The following DDX46 variants were observed in gnomAD, a reference collection of about 807,000 sequenced individuals.
DDX46 encodes probable ATP-dependent RNA helicase DDX46.
In DDX46, 30 loss-of-function variants were observed where a neutral mutation model predicts 134.9. The ratio of observed to expected loss-of-function variants is 0.22; its 90% CI spans 0.17 to 0.30. The LOEUF is 0.30. Ranked by LOEUF, DDX46 falls within the 10% of genes least tolerant of loss-of-function variation. The pLI is 1.00. For missense variants in DDX46, 622 were observed against 1,248.7 expected (o/e 0.50, Z 7.56); for synonymous variants, 415 against 404.1 (o/e 1.03, Z -0.32).
chr5:134,783,131 T>A, intron 9 of DDX46, 66 bp downstream of exon 9: 1 of 1,554,778 alleles, frequency 6.4e-7, no homozygotes, highest in Non-Finnish European at 8.7e-7. Context: ...TCCACACCAG[T>A]GTCTCCCTGA....
chr5:134,797,363 G>A lies in DDX46; in HGVS notation c.1954+1213G>A, dbSNP rs1217710704. Among the ~76,000 whole-genome samples the A allele has an allele frequency of 2.6e-5, 4 of 152,106 alleles. No homozygotes were observed. In the East Asian group the frequency reaches 5.8e-4, roughly 22 times the overall value. ...AGCTCACTATATATATCTAGTCTCT[G>A]TTTCATGCTGTATGTGCTGGGACAC... On this transcript the variant is annotated intron_variant, in intron 15 of 22. Transcript: ENST00000452510.
chr5:134,799,316 C>CTT (rs569120916), intron 15 of DDX46, among the ~76,000 whole-genome samples: 5 of 144,670 alleles, frequency 3.5e-5, no homozygotes, highest in Admixed American at 7.0e-5. Context: ...ACTTGTTTCA[C>CTT]TTTTTTTTTT....
rs562504484 is a variant in DDX46 at position 134,779,424 on chromosome 5, C to T, written c.765+1699C>T. Among the ~76,000 whole-genome samples, 14 of 152,310 alleles carry T rather than the reference C, an allele frequency of 9.2e-5. No homozygotes were observed. The East Asian group carries it at 2.7e-3, about 29-fold the overall frequency. ...GGCCATGCTGGCCTTGAACTCCTGA[C>T]CTCAAATGATCTGTCTGCCTTGGCC... On this transcript the variant is annotated intron_variant, in intron 6 of 22. Transcript: ENST00000452510.
chr5:134,784,040 T>A (rs181858107), intron 9 of DDX46, among the ~76,000 whole-genome samples: 22 of 152,186 alleles, frequency 1.4e-4, no homozygotes, highest in African/African-American at 5.3e-4. Flanking sequence ...TAGTAGTCAG[T>A]CTTCTCCCCT....
At chr5:134,784,743 A>C in intron 10 of DDX46, 2 of 391,134 alleles carry the variant, frequency 5.1e-6, no homozygotes, top group South Asian at 5.1e-5. Context: ...GACATCTCAG[A>C]AGTACAAAAA....
At chr5:134,783,197 A>G (rs1323051136) in intron 9 of DDX46, 132 bp downstream of exon 9, 1 of 1,230,568 alleles carries the variant, frequency 8.1e-7, no homozygotes, top group African/African-American at 1.5e-5. Context: ...CATTGAGATA[A>G]TTTATATATC....
intron 10 of DDX46, 129 bp from the exon 11 acceptor site, chr5:134,785,336 C>T: frequency 8.9e-7 from 1 of 1,125,394 alleles, no homozygotes; most frequent in Non-Finnish European, 1.2e-6. Flanking sequence ...AAATAGTTTT[C>T]AGGGATGCAT....
At chr5:134,766,733 AAG>A (rs1753579345) in intron 2 of DDX46, among the ~76,000 whole-genome samples, 182 bp from the exon 3 acceptor site, 2 of 152,162 alleles carry the variant, frequency 1.3e-5, no homozygotes, top group Admixed American at 6.6e-5. Context: ...AAAAAAATGA[AAG>A]AAATAAATTA....
At chr5:134,818,381 A>C (rs965524441) in intron 20 of DDX46, among the ~76,000 whole-genome samples, 1 of 150,774 alleles carries the variant, frequency 6.6e-6, no homozygotes, top group Non-Finnish European at 1.5e-5. Context: ...GGTGTGAGCC[A>C]TCACGCCCGG....
intron 20 of DDX46, among the ~76,000 whole-genome samples, chr5:134,817,928 T>G (rs1354574073): frequency 6.6e-6 from 1 of 151,646 alleles, no homozygotes; most frequent in East Asian, 1.9e-4. Flanking sequence ...AATAATGATC[T>G]TTGTTTTCTT....
Position 134,781,122 on chromosome 5 carries a change from C to A in DDX46, c.766-11C>A, listed in dbSNP as rs1365150669. The A allele has an allele frequency of 6.4e-7, 1 of 1,558,340 alleles. No individual in the cohort carries two copies. The highest frequency in any genetic ancestry group is 2.3e-5 in the Admixed American group (1 of 43,386). Reference sequence around the variant, plus strand: ...CTTTGCAAAATATTCTATATTTGTTCTTTATTTTAGAAGTCTGGGCCAACG... The same window carrying A: ...CTTTGCAAAATATTCTATATTTGTTATTTATTTTAGAAGTCTGGGCCAACG... On this transcript the variant is annotated splice_polypyrimidine_tract_variant and intron_variant, in intron 6 of 22. Coordinates refer to ENST00000452510, the MANE Select transcript of DDX46 (RefSeq NM_001300860.2).
chr5:134,775,989 C>T (rs1205033975), intron 5 of DDX46, among the ~76,000 whole-genome samples: 3 of 152,140 alleles, frequency 2.0e-5, no homozygotes, highest in African/African-American at 7.2e-5. Flanking sequence ...GCATTACCTG[C>T]TTACTGTTCA....
chr5:134,805,668 AC>A (rs1025838746), intron 15 of DDX46, among the ~76,000 whole-genome samples: 3 of 151,698 alleles, frequency 2.0e-5, no homozygotes, highest in African/African-American at 7.3e-5. Flanking sequence ...AGCTGGGATT[AC>A]CGGTGGCTGC....
intron 11 of DDX46, among the ~76,000 whole-genome samples, chr5:134,786,922 T>G (rs1252544830): frequency 2.8e-5 from 4 of 143,822 alleles, no homozygotes; most frequent in African/African-American, 5.4e-5. Flanking sequence ...TGTTGTTGTT[T>G]TTTGGTTTTG....
At chr5:134,759,467 C>T (rs895361852) in intron 1 of DDX46, among the ~76,000 whole-genome samples, 4 of 152,168 alleles carry the variant, frequency 2.6e-5, no homozygotes, top group African/African-American at 9.7e-5. Context: ...GTTGCGTGGG[C>T]ATTTACTTCG....
intron 3 of DDX46, among the ~76,000 whole-genome samples, chr5:134,768,999 A>G (rs1025862745): frequency 1.3e-5 from 2 of 152,146 alleles, no homozygotes; most frequent in African/African-American, 4.8e-5. Context: ...TGGAGGTTGC[A>G]GTGAGCCGAG....
intron 4 of DDX46, among the ~76,000 whole-genome samples, chr5:134,771,345 G>A (rs1449786149): frequency 6.8e-6 from 1 of 147,242 alleles, no homozygotes; most frequent in Non-Finnish European, 1.5e-5. Flanking sequence ...CCCCTGCCTC[G>A]GACCCCCAAA....
rs1185107338 is a variant in DDX46, at chr5:134,775,062, C to T, written c.613+1201C>T. On this transcript the variant is annotated intron_variant, in intron 5 of 22. Transcript: ENST00000452510. ...CTTGAACTCCTGACCTCAGGTGATC[C>T]TCCCACTTTGGCCTCCCATAGTGCT... Among the ~76,000 whole-genome samples, 17 of 152,080 alleles carry T rather than the reference C, an allele frequency of 1.1e-4. 1 individual carries two copies. Among genetic ancestry groups the T allele is most frequent in the Admixed American group, 1.1e-3 (17 of 15,256 alleles).
rs1051654884 is a variant in DDX46 at position 134,817,402 on chromosome 5, A to C, written c.2614-94A>C. 11 of 1,244,330 alleles carry C rather than the reference A, an allele frequency of 8.8e-6. No homozygotes were observed. The Admixed American group carries it at 2.5e-4, about 29-fold the overall frequency. 77.1% of individuals were successfully genotyped at this position (1,244,330 alleles called of 1,614,324 possible). ...GGTTTATTTATTAAACTTGCATACA[A>C]AGTTAGTAGCTTTTCAGAGAATAAT... On this transcript the variant is annotated intron_variant, in intron 19 of 22. Coordinates refer to ENST00000452510, the MANE Select transcript of DDX46 (RefSeq NM_001300860.2).
Sources: gnomAD v4.1 joint callset for allele counts (sites outside exome capture counted in the v4.1 genomes callset) on GRCh38, gnomAD v4.1.1 for gene constraint, MANE v1.5 for transcripts, NCBI Gene and HGNC (gene_info 2026-07-23, HGNC 2026-07-21) for gene names.